CMIP: variants seen among roughly 807,000 people sequenced by gnomAD.
CMIP encodes c-Maf inducing protein.
A neutral mutation model predicts 97.3 loss-of-function variants in CMIP; 13 were observed. The ratio of observed to expected loss-of-function variants is 0.13; its 90% CI spans 0.09 to 0.21. CMIP has a LOEUF of 0.21. CMIP is among the 10% of genes least tolerant of loss of function. CMIP has a pLI of 1.00. For synonymous variants in CMIP, 538 were observed against 436.3 expected (o/e 1.23, Z -2.91); for missense variants, 847 against 1,024.9 (o/e 0.83, Z 2.37).
At chr16:81,709,405 C>A (rs1345301324) in intron 20 of CMIP, among the ~76,000 whole-genome samples, 1 of 152,194 alleles carries the variant, frequency 6.6e-6, no homozygotes, top group Non-Finnish European at 1.5e-5. Flanking sequence ...AAACTGAGGC[C>A]CCTAGAGGCT....
At chr16:81,491,393 C>G (rs1295111234) in intron 1 of CMIP, among the ~76,000 whole-genome samples, 1 of 152,210 alleles carries the variant, frequency 6.6e-6, no homozygotes, top group East Asian at 1.9e-4. Context: ...TAGTAAAACT[C>G]CCTGCCCTGC....
At chr16:81,573,354 A>G (rs1161170397) in intron 1 of CMIP, among the ~76,000 whole-genome samples, 1 of 152,094 alleles carries the variant, frequency 6.6e-6, no homozygotes, top group Non-Finnish European at 1.5e-5. Context: ...AAAAAATAAA[A>G]AAAAAAAAAA....
At chr16:81,552,815 C>T (rs62046629) in intron 1 of CMIP, among the ~76,000 whole-genome samples, 18,909 of 152,164 alleles carry the variant, frequency 0.12, 1,267 homozygotes, top group East Asian at 0.16. Flanking sequence ...CTGCCTTCCT[C>T]CCTCCCTCTC....
intron 17 of CMIP, among the ~76,000 whole-genome samples, chr16:81,703,359 G>C (rs959076135): frequency 1.3e-5 from 2 of 152,022 alleles, no homozygotes; most frequent in Non-Finnish European, 2.9e-5. Context: ...CTCCCAGTCC[G>C]GTGCTCAGGC....
chr16:81,488,752 A>G lies in CMIP; in HGVS notation c.300+43211A>G, dbSNP rs1392079816. On this transcript the variant is annotated intron_variant, in intron 1 of 20. Transcript: ENST00000537098. ...AGAACCTCTGTACTCCTCTTCGGGA[A>G]CTCTCCCCACAGCTCCTGGCTCTTC... Among the ~76,000 whole-genome samples the G allele has an allele frequency of 5.9e-5, 9 of 151,658 alleles. No individual in the cohort carries two copies. The East Asian group carries it at 9.7e-4, about 16-fold the overall frequency.
In CMIP at chr16:81,453,932, C is replaced by T. The variant is rs191077998; in HGVS notation, c.300+8391C>T. ...GACTTGGGAACATGGTTTACATGTG[C>T]GTCTGGGAGGAAGAGGAGAGCATGG... On this transcript the variant is annotated intron_variant, in intron 1 of 20. Coordinates refer to ENST00000537098, the MANE Select transcript of CMIP (RefSeq NM_198390.3). This position sits in a 1 kb window ranked among gnomAD's most constrained non-coding sequence, Gnocchi z 4.0. Among the ~76,000 whole-genome samples the T allele has an allele frequency of 2.6e-4, 39 of 152,284 alleles. No individual in the cohort carries two copies. In the East Asian group the frequency reaches 6.6e-3, roughly 26 times the overall value.
rs907841514 is a variant in CMIP at position 81,701,860 on chromosome 16, G to A, written c.1896+60G>A. On this transcript the variant is annotated intron_variant, in intron 16 of 20. Transcript: ENST00000537098. ...CCAGCAGGCCAGGGGGGGCCAGGGC[G>A]GGATGCGGGGCAGCTAGTACTTGGA... 3.1e-5 allele frequency: 49 copies of A among 1,599,362 alleles called. No homozygotes were observed. In the East Asian group the frequency reaches 3.1e-4, roughly 10 times the overall value.
chr16:81,600,981 G>C (rs999559887), intron 1 of CMIP, among the ~76,000 whole-genome samples: 2 of 152,160 alleles, frequency 1.3e-5, no homozygotes, highest in East Asian at 3.9e-4. Flanking sequence ...CTTACAGTGG[G>C]GTGGTGCCAC....
chr16:81,691,972 G>C, intron 11 of CMIP, 132 bp downstream of exon 11: 1 of 777,698 alleles, frequency 1.3e-6, no homozygotes, highest in Non-Finnish European at 2.2e-6. Context: ...GGAGACGTCG[G>C]TACCAGCTCA....
chr16:81,641,286 T>C (rs142623710), intron 3 of CMIP, among the ~76,000 whole-genome samples: 2 of 152,244 alleles, frequency 1.3e-5, no homozygotes, highest in East Asian at 1.9e-4. Context: ...CTGCCTGTTC[T>C]ACCTGCAACA....
intron 3 of CMIP, among the ~76,000 whole-genome samples, chr16:81,647,439 C>G (rs533575699): frequency 6.6e-6 from 1 of 152,136 alleles, no homozygotes; most frequent in African/African-American, 2.4e-5. Flanking sequence ...TGGGTTTCAC[C>G]GCATGCTATA....
chr16:81,523,445 C>T (rs971247976), intron 1 of CMIP, among the ~76,000 whole-genome samples: 29 of 152,290 alleles, frequency 1.9e-4, no homozygotes, highest in African/African-American at 2.6e-4. Context: ...CACAGTCACA[C>T]GGCCGCAAGG....
intron 1 of CMIP, among the ~76,000 whole-genome samples, chr16:81,477,147 A>G (rs765904059): frequency 5.3e-5 from 8 of 152,008 alleles, no homozygotes; most frequent in African/African-American, 7.3e-5. Context: ...CGGGCTTGGA[A>G]ATGTCGGCCC....
At chr16:81,681,692 G>A (rs1904891234) in intron 10 of CMIP, among the ~76,000 whole-genome samples, 1 of 152,194 alleles carries the variant, frequency 6.6e-6, no homozygotes, top group African/African-American at 2.4e-5. Flanking sequence ...AAAGCCACAT[G>A]GCATTTATTG....
chr16:81,452,941 A>T, intron 1 of CMIP, among the ~76,000 whole-genome samples: 1 of 137,164 alleles, frequency 7.3e-6, no homozygotes, highest in Non-Finnish European at 1.5e-5. Flanking sequence ...AGTGAAGAAT[A>T]GCCCTGGTAG....
intron 1 of CMIP, among the ~76,000 whole-genome samples, chr16:81,587,024 C>G (rs1299686607): frequency 2.0e-5 from 3 of 152,230 alleles, no homozygotes; most frequent in African/African-American, 7.2e-5. Context: ...AAGTAAAGAA[C>G]AGGCTACATG....
intron 10 of CMIP, among the ~76,000 whole-genome samples, chr16:81,683,263 C>T (rs966439496): frequency 2.2e-4 from 33 of 152,234 alleles, no homozygotes; most frequent in Middle Eastern, 3.4e-3. Flanking sequence ...AGGGGTAGGA[C>T]GCGCTTCTGA....
chr16:81,574,884 C>G (rs2091162376), intron 1 of CMIP, among the ~76,000 whole-genome samples: 1 of 152,222 alleles, frequency 6.6e-6, no homozygotes, highest in African/African-American at 2.4e-5. Context: ...CCCTGCGTAT[C>G]CTAAGCCCCT....
rs537060132 is a variant in CMIP, at chr16:81,583,751, C to T, written c.301-23816C>T. On this transcript the variant is annotated intron_variant, in intron 1 of 20. Coordinates refer to ENST00000537098, the MANE Select transcript of CMIP (RefSeq NM_198390.3). ...TTTCCCAAGTGGTTTCTGGGAAAGA[C>T]GAGAGCATCTGAAAGCCTTATGGAG... Among the ~76,000 whole-genome samples, 131 of 152,196 alleles carry T rather than the reference C, an allele frequency of 8.6e-4. 1 individual carries two copies. The highest frequency in any genetic ancestry group is 2.6e-3 in the African/African-American group (109 of 41,518).
Sources: gnomAD v4.1 joint callset for allele counts (sites outside exome capture counted in the v4.1 genomes callset) on GRCh38, gnomAD v4.1.1 for gene constraint, Gnocchi (gnomAD v3.1) non-coding constraint, MANE v1.5 for transcripts, NCBI Gene and HGNC (gene_info 2026-07-23, HGNC 2026-07-21) for gene names.